Variants in AGAP1 observed in about 807,000 individuals in gnomAD.
The protein encoded by AGAP1 is ArfGAP with GTPase domain, ankyrin repeat and PH domain 1.
Under a neutral mutation model 105.3 loss-of-function variants are expected in AGAP1, and 29 were observed. The ratio of observed to expected loss-of-function variants is 0.28; its 90% CI spans 0.21 to 0.38. The LOEUF (loss-of-function observed/expected upper bound fraction) is 0.38, where lower values mean the gene tolerates loss of function less well. Among genes scored for constraint, AGAP1 ranks in the 10% least tolerant of loss-of-function variants. AGAP1 has a pLI of 1.00. For missense variants in AGAP1, 998 were observed against 1,165.1 expected (o/e 0.86, Z 2.09); for synonymous variants, 509 against 485.9 (o/e 1.05, Z -0.63).
intron 9 of AGAP1, among the ~76,000 whole-genome samples, chr2:235,820,498 C>G (rs1958729576): frequency 6.6e-6 from 1 of 152,150 alleles, no homozygotes; most frequent in East Asian, 1.9e-4. Flanking sequence ...AATGTCTTCA[C>G]ATACAAAATT....
intron 9 of AGAP1, among the ~76,000 whole-genome samples, chr2:235,848,652 A>G (rs1018408007): frequency 1.3e-5 from 2 of 152,232 alleles, no homozygotes; most frequent in African/African-American, 4.8e-5. Flanking sequence ...ACATTTTCCA[A>G]ACCCTGCTGT....
rs2057973710 is a variant in AGAP1 at position 236,053,689 on chromosome 2, C to A, written c.2114+4408C>A. Among the ~76,000 whole-genome samples the A allele has an allele frequency of 6.6e-6, 1 of 152,236 alleles. No homozygotes were observed. The highest frequency in any genetic ancestry group is 2.4e-5 in the African/African-American group (1 of 41,452). On this transcript the variant is annotated intron_variant, in intron 16 of 17. Coordinates refer to ENST00000304032, the MANE Select transcript of AGAP1 (RefSeq NM_001037131.3). The surrounding 1 kb of genome is among the most constrained non-coding windows in gnomAD (Gnocchi z 4.6). Reference sequence around the variant, plus strand: ...CCCAAGGCCCTGCAGGGACTCGCTGCTATTTGCATTTCAGTGCAGGTAGCC... The same window carrying A: ...CCCAAGGCCCTGCAGGGACTCGCTGATATTTGCATTTCAGTGCAGGTAGCC...
intron 1 of AGAP1, among the ~76,000 whole-genome samples, chr2:235,629,472 G>T (rs1414925119): frequency 6.6e-6 from 1 of 151,572 alleles, no homozygotes; most frequent in Non-Finnish European, 1.5e-5. Flanking sequence ...CCAAGAAAAG[G>T]AGAACAGGAC....
At chr2:235,876,236 A>G (rs938546219) in intron 9 of AGAP1, among the ~76,000 whole-genome samples, 14 of 152,336 alleles carry the variant, frequency 9.2e-5, no homozygotes, top group African/African-American at 2.6e-4. Context: ...GTACTTTTAG[A>G]AATATTTAAA....
Position 235,494,102 on chromosome 2 carries a change from G to T in AGAP1, c.-585G>T, listed in dbSNP as rs1337077531. On this transcript the variant is annotated 5_prime_UTR_variant, in exon 1 of 18. Coordinates refer to ENST00000304032, the MANE Select transcript of AGAP1 (RefSeq NM_001037131.3). ...CAGGCGGCGGGCGGCGCTCGGAGCG[G>T]GCTCCGCGGCTTGCAAGGCGCCTGC... 1.4e-5 allele frequency: 2 copies of T among 144,538 alleles called. No individual in the cohort carries two copies. Among genetic ancestry groups the T allele is most frequent in the African/African-American group, 5.0e-5 (2 of 40,162 alleles). 9.0% of individuals were successfully genotyped at this position (144,538 alleles called of 1,614,324 possible). A position where few individuals can be genotyped will look rare whatever the true frequency, so the allele number is the denominator to read the frequency against.
chr2:236,052,457 C>A (rs1272831760), intron 16 of AGAP1, among the ~76,000 whole-genome samples: 2 of 152,156 alleles, frequency 1.3e-5, no homozygotes, highest in Non-Finnish European at 2.9e-5. Context: ...GGACAGCCGG[C>A]CTCTGCTGTG....
At chr2:236,015,570 A>ATT (rs1553545389) in intron 13 of AGAP1, among the ~76,000 whole-genome samples, 1 of 151,472 alleles carries the variant, frequency 6.6e-6, no homozygotes, top group Non-Finnish European at 1.5e-5. Context: ...TTTTTTTATG[A>ATT]TTACAAATGT....
Position 235,535,377 on chromosome 2 carries a change from C to T in AGAP1, c.163+40528C>T, listed in dbSNP as rs146496594. ...GTTTATTGAAGAGGGTGTGAGGTCGCGGCGCCTGACCCTCATTATGTCAGT... is the reference window on the plus strand; with the variant it reads ...GTTTATTGAAGAGGGTGTGAGGTCGTGGCGCCTGACCCTCATTATGTCAGT... On this transcript the variant is annotated intron_variant, in intron 1 of 17. Coordinates refer to ENST00000304032, the MANE Select transcript of AGAP1 (RefSeq NM_001037131.3). This position sits in a 1 kb window ranked among gnomAD's most constrained non-coding sequence, Gnocchi z 5.1. Among the ~76,000 whole-genome samples the T allele has an allele frequency of 3.4e-3, 522 of 152,190 alleles. 3 individuals are homozygous for T. The highest frequency in any genetic ancestry group is 0.012 in the African/African-American group (487 of 41,514).
chr2:235,899,263 AG>A (rs1374220110), intron 10 of AGAP1, among the ~76,000 whole-genome samples: 3 of 152,226 alleles, frequency 2.0e-5, no homozygotes, highest in African/African-American at 7.2e-5. Context: ...CTGTAATTCC[AG>A]CACTTTGGGA....
chr2:235,675,044 T>G (rs1265256553), intron 1 of AGAP1, among the ~76,000 whole-genome samples: 1 of 151,954 alleles, frequency 6.6e-6, no homozygotes, highest in Non-Finnish European at 1.5e-5. Flanking sequence ...TTAAACCATT[T>G]AAAACAAACA....
At chr2:235,605,554 C>T (rs539986298) in intron 1 of AGAP1, among the ~76,000 whole-genome samples, 5 of 152,324 alleles carry the variant, frequency 3.3e-5, no homozygotes, top group Non-Finnish European at 5.9e-5. Context: ...TGCCAAGGCA[C>T]GTGTGGGTCC....
intron 1 of AGAP1, among the ~76,000 whole-genome samples, chr2:235,641,635 CT>C (rs1214160188): frequency 2.0e-5 from 3 of 152,214 alleles, no homozygotes; most frequent in African/African-American, 4.8e-5. Flanking sequence ...CAAGGCTTTA[CT>C]TTCCCCCCCA....
chr2:235,968,423 T>TTTC (rs2054495937), intron 12 of AGAP1, 39 bp from the exon 13 acceptor site: 1 of 117,640 alleles, frequency 8.5e-6, no homozygotes, highest in African/African-American at 8.7e-5. Context: ...TCACTCTGCA[T>TTTC]TTTTTTTTTT....
rs1446603360 is a variant in AGAP1, at chr2:235,777,531, G to T, written c.674-20228G>T. On this transcript the variant is annotated intron_variant, in intron 6 of 17. Coordinates refer to ENST00000304032, the MANE Select transcript of AGAP1 (RefSeq NM_001037131.3). This position sits in a 1 kb window ranked among gnomAD's most constrained non-coding sequence, Gnocchi z 5.1. ...GGGAGCAGAAACCGTTGTTTCACCA[G>T]CAAATTACGCTGGCTGTACTCGCCA... Among the ~76,000 whole-genome samples the T allele has an allele frequency of 6.6e-6, 1 of 152,208 alleles. No individual in the cohort carries two copies. Among genetic ancestry groups the T allele is most frequent in the Non-Finnish European group, 1.5e-5 (1 of 68,038 alleles).
At position 236,089,337 on chromosome 2, in the gene AGAP1, A is replaced by G. The variant is rs1446498732; in HGVS notation, c.2115-30855A>G. On this transcript the variant is annotated intron_variant, in intron 16 of 17. Coordinates refer to ENST00000304032, the MANE Select transcript of AGAP1 (RefSeq NM_001037131.3). The surrounding 1 kb of genome is among the most constrained non-coding windows in gnomAD (Gnocchi z 5.6). The stretch of plus-strand genomic sequence containing the variant: ...CTACATATTCCTTGCTCTTCCGTAA[A>G]GGACACATGTGTCTCTGTGCCTCTC... Among the ~76,000 whole-genome samples the G allele has an allele frequency of 6.6e-6, 1 of 152,238 alleles. No individual in the cohort carries two copies. Among genetic ancestry groups the G allele is most frequent in the Non-Finnish European group, 1.5e-5 (1 of 68,040 alleles).
intron 1 of AGAP1, among the ~76,000 whole-genome samples, chr2:235,637,410 C>T (rs1274014897): frequency 6.6e-6 from 1 of 151,968 alleles, no homozygotes; most frequent in Admixed American, 6.6e-5. Context: ...GTGACTAGGA[C>T]CACAGGTGCA....
intron 2 of AGAP1, among the ~76,000 whole-genome samples, chr2:235,713,972 C>A (rs1409736133): frequency 1.3e-5 from 2 of 152,142 alleles, no homozygotes; most frequent in African/African-American, 4.8e-5. Flanking sequence ...GTAATACAAT[C>A]ACCTTGGGGA....
chr2:235,654,411 A>G (rs1390074407), intron 1 of AGAP1, among the ~76,000 whole-genome samples: 1 of 152,234 alleles, frequency 6.6e-6, no homozygotes, highest in Non-Finnish European at 1.5e-5. Context: ...GATAAGGGAA[A>G]CAGATTTTCC....
rs1269820350 is a variant in AGAP1, at chr2:235,631,542, A to G, written c.164-77637A>G. On this transcript the variant is annotated intron_variant, in intron 1 of 17. Coordinates refer to ENST00000304032, the MANE Select transcript of AGAP1 (RefSeq NM_001037131.3). This position sits in a 1 kb window ranked among gnomAD's most constrained non-coding sequence, Gnocchi z 5.4. Reference sequence around the variant, plus strand: ...TCTGCCAAGGCCCCTCCTTGTGAAGATGGACACTGAGGGCACCCTTCCTAG... The same window carrying G: ...TCTGCCAAGGCCCCTCCTTGTGAAGGTGGACACTGAGGGCACCCTTCCTAG... Among the ~76,000 whole-genome samples the G allele has an allele frequency of 6.6e-6, 1 of 152,148 alleles. No individual in the cohort carries two copies. The highest frequency in any genetic ancestry group is 1.5e-5 in the Non-Finnish European group (1 of 68,022).
Sources: allele counts gnomAD v4.1 joint callset (sites outside exome capture counted in the v4.1 genomes callset), GRCh38; gene constraint gnomAD v4.1.1; non-coding constraint Gnocchi (gnomAD v3.1); transcripts MANE v1.5; gene names NCBI Gene and HGNC (gene_info 2026-07-23, HGNC 2026-07-21).